FBXL7: variants seen among roughly 807,000 people sequenced by gnomAD.
The protein encoded by FBXL7 is F-box/LRR-repeat protein 7.
A neutral mutation model predicts 38.3 loss-of-function variants in FBXL7; 12 were observed. The ratio of observed to expected loss-of-function variants is 0.31; its 90% CI spans 0.20 to 0.51. The LOEUF is 0.51. FBXL7 is among the 20% of genes least tolerant of loss of function. The probability of loss-of-function intolerance (pLI) is 0.98; values close to 1 mark genes in which losing one functional copy is unlikely to be tolerated. For missense variants in FBXL7, 567 were observed against 676.4 expected, an observed-to-expected ratio of 0.84 and a Z score of 1.79; for synonymous variants, 297 against 300.9, an observed-to-expected ratio of 0.99 and a Z score of 0.13.
intron 2 of FBXL7, among the ~76,000 whole-genome samples, chr5:15,716,437 T>G (rs927673683): frequency 2.0e-5 from 3 of 152,198 alleles, no homozygotes; most frequent in Non-Finnish European, 2.9e-5. Context: ...ATAACAAGAT[T>G]AAGTAACATT....
At chr5:15,547,376 C>G (rs78459974) in intron 1 of FBXL7, among the ~76,000 whole-genome samples, 5,226 of 152,276 alleles carry the variant, frequency 0.034, 215 homozygotes, top group African/African-American at 0.1. Context: ...GTGTGAAGAG[C>G]AGGAGTCCGT....
intron 2 of FBXL7, among the ~76,000 whole-genome samples, chr5:15,773,060 T>G (rs767490225): frequency 6.6e-6 from 1 of 151,942 alleles, no homozygotes; most frequent in Non-Finnish European, 1.5e-5. Context: ...CCTGGCTAAT[T>G]TTTTTTAAAA....
chr5:15,796,762 A>T (rs755641950), intron 2 of FBXL7, among the ~76,000 whole-genome samples: 1 of 152,180 alleles, frequency 6.6e-6, no homozygotes, highest in Non-Finnish European at 1.5e-5. Context: ...CCATTGTGTG[A>T]GGCCAATAAG....
chr5:15,812,653 TC>T (rs1243782762), intron 2 of FBXL7, among the ~76,000 whole-genome samples: 6 of 152,186 alleles, frequency 3.9e-5, no homozygotes, highest in Admixed American at 6.5e-5. Context: ...AGTAGTTTTT[TC>T]TAATTCTGTA....
At chr5:15,524,501 G>A (rs563980828) in intron 1 of FBXL7, among the ~76,000 whole-genome samples, 1 of 152,224 alleles carries the variant, frequency 6.6e-6, no homozygotes, top group Admixed American at 6.5e-5. Flanking sequence ...GCATATCTGT[G>A]TGTGTAATTT....
At chr5:15,935,133 C>G (rs778048619) in intron 3 of FBXL7, 2 of 534,026 alleles carry the variant, frequency 3.7e-6, no homozygotes, top group East Asian at 1.1e-4. Context: ...ACAAGCAGGC[C>G]AGTGGCGTTG....
chr5:15,669,171 C>G (rs1456578603), intron 2 of FBXL7, among the ~76,000 whole-genome samples: 1 of 151,948 alleles, frequency 6.6e-6, no homozygotes, highest in Non-Finnish European at 1.5e-5. Context: ...CTAATTGTAG[C>G]CTATCAATAA....
chr5:15,616,772 TTTTTA>T (rs891217415), intron 2 of FBXL7, among the ~76,000 whole-genome samples: 15 of 152,240 alleles, frequency 9.9e-5, no homozygotes, highest in African/African-American at 3.4e-4. Flanking sequence ...GAATCAGCTC[TTTTTA>T]TTTTAATGTT....
intron 2 of FBXL7, among the ~76,000 whole-genome samples, chr5:15,624,661 T>G (rs543981742): frequency 4.0e-4 from 61 of 152,340 alleles, no homozygotes; most frequent in Non-Finnish European, 5.0e-4. Context: ...CGAGCTGTTG[T>G]TGGCCAAAGA....
At chr5:15,556,084 C>CATCT (rs3033683) in intron 1 of FBXL7, among the ~76,000 whole-genome samples, 82,086 of 150,462 alleles carry the variant, frequency 0.55, 23,497 homozygotes, top group African/African-American at 0.72. Context: ...TATTATCTAT[C>CATCT]ATCTATCTAT....
chr5:15,567,217 C>T (rs969350), intron 1 of FBXL7, among the ~76,000 whole-genome samples: 1,750 of 152,188 alleles, frequency 0.011, 14 homozygotes, highest in Middle Eastern at 0.031. Flanking sequence ...ATTTTCCTGG[C>T]CCCTGTTTCC....
intron 3 of FBXL7, among the ~76,000 whole-genome samples, chr5:15,929,117 C>T (rs566296642): frequency 1.3e-5 from 2 of 152,298 alleles, no homozygotes; most frequent in African/African-American, 4.8e-5. Flanking sequence ...CGTGTGTTTT[C>T]GTACCACGGG....
intron 2 of FBXL7, among the ~76,000 whole-genome samples, chr5:15,749,244 CAAAA>C (rs70938027): frequency 3.0e-3 from 210 of 70,074 alleles, no homozygotes; most frequent in East Asian, 0.016. Context: ...GACTCTGTCT[CAAAA>C]AAAAAAAAAA....
At chr5:15,710,414 T>C (rs1279188198) in intron 2 of FBXL7, among the ~76,000 whole-genome samples, 2 of 152,174 alleles carry the variant, frequency 1.3e-5, no homozygotes, top group African/African-American at 4.8e-5. Context: ...CTCAGCTGGC[T>C]TAATCTCATA....
At chr5:15,658,201 A>G (rs1014884708) in intron 2 of FBXL7, among the ~76,000 whole-genome samples, 5 of 152,170 alleles carry the variant, frequency 3.3e-5, no homozygotes, top group Admixed American at 3.3e-4. Context: ...CCAGCTTTAG[A>G]TCCAGAGAGC....
intron 2 of FBXL7, among the ~76,000 whole-genome samples, chr5:15,716,666 A>G (rs1288440242): frequency 6.6e-6 from 1 of 152,210 alleles, no homozygotes; most frequent in Non-Finnish European, 1.5e-5. Context: ...TTTTGCATGC[A>G]TCATGTTAAA....
At chr5:15,596,260 T>C (rs1376478191) in intron 1 of FBXL7, among the ~76,000 whole-genome samples, 1 of 152,218 alleles carries the variant, frequency 6.6e-6, no homozygotes, top group Non-Finnish European at 1.5e-5. Context: ...CATTCTGTCT[T>C]TAGATTAAAA....
At chr5:15,540,043 A>AATCCAGTCACT (rs762948271) in intron 1 of FBXL7, among the ~76,000 whole-genome samples, 386 of 152,272 alleles carry the variant, frequency 2.5e-3, no homozygotes, top group Admixed American at 7.3e-3. Flanking sequence ...TCACTGGAGT[A>AATCCAGTCACT]GGATATAGGA....
At chr5:15,886,403 A>G (rs1740680515) in intron 2 of FBXL7, among the ~76,000 whole-genome samples, 1 of 152,138 alleles carries the variant, frequency 6.6e-6, no homozygotes, top group African/African-American at 2.4e-5. Context: ...TTTTCTCACT[A>G]TGGCCGTAAA....
Sources: allele counts gnomAD v4.1 joint callset (sites outside exome capture counted in the v4.1 genomes callset), GRCh38; gene constraint gnomAD v4.1.1; transcripts MANE v1.5; gene names NCBI Gene and HGNC (gene_info 2026-07-23, HGNC 2026-07-21).